ARL17B: variants seen among roughly 807,000 people sequenced by gnomAD.
ARL17B encodes the protein ARF like GTPase 17B, also known as ADP-ribosylation factor-like protein 17.
intron 4 of ARL17B, among the ~76,000 whole-genome samples, chr17:46,284,638 A>G (rs1399153375): frequency 2.6e-5 from 4 of 152,222 alleles, no homozygotes; most frequent in African/African-American, 7.2e-5. Flanking sequence ...TGGGCCCTAC[A>G]TGATGAGCTG....
At chr17:46,333,117 AC>A (rs1164581518), downstream of ARL17B, among the ~76,000 whole-genome samples, 1 of 120,120 alleles carries the variant, frequency 8.3e-6, no homozygotes, top group Non-Finnish European at 1.9e-5. Context: ...TTAGATTTAC[AC>A]AGTATCATCC....
intron 4 of ARL17B, among the ~76,000 whole-genome samples, chr17:46,283,423 G>A (rs1222193543): frequency 6.6e-6 from 1 of 152,222 alleles, no homozygotes; most frequent in Admixed American, 6.5e-5. Context: ...CATTCTTATT[G>A]TCAGTGAAAA....
rs138340592 is a variant in ARL17B at position 46,288,981 on chromosome 17, G to A, written c.*21+10545C>T. 2.6e-5 allele frequency among the ~76,000 whole-genome samples: 4 copies of A among 151,980 alleles called. No homozygotes were observed. The East Asian group carries it at 7.9e-4, about 30-fold the overall frequency. On this transcript the variant is annotated intron_variant, in intron 4 of 4. Coordinates refer to the ARL17B transcript ENST00000570618. ...CTCCCAAAGTGCTGGGATTACAAGCGTGAGTCTCTGTGTCTGGCCAACATA... is the reference window on the plus strand; with the variant it reads ...CTCCCAAAGTGCTGGGATTACAAGCATGAGTCTCTGTGTCTGGCCAACATA...
chr17:46,301,003 TG>T lies in ARL17B; in HGVS notation c.260-1339del, dbSNP rs1423385590. ...TCATTTCCCAACACCTTTTCACCGC[TG>T]GGTATTCTCCAACATTTTGCTGAAG... On this transcript the variant is annotated intron_variant, in intron 3 of 4. Transcript: ENST00000434041. 7.5e-5 allele frequency among the ~76,000 whole-genome samples: 6 copies of T among 79,494 alleles called. 2 individuals are homozygous for T. Among genetic ancestry groups the T allele is most frequent in the African/African-American group, 1.9e-4 (6 of 31,136 alleles). 52.2% of individuals were successfully genotyped at this position (79,494 alleles called of 152,430 possible).
intron 3 of ARL17B, among the ~76,000 whole-genome samples, chr17:46,317,011 C>A (rs1369889226): frequency 3.1e-5 from 3 of 96,692 alleles, no homozygotes; most frequent in Non-Finnish European, 5.1e-5. Context: ...ATGTCTACTT[C>A]TTTCTACACA....
chr17:46,283,226 A>G (rs1478327563), intron 4 of ARL17B, among the ~76,000 whole-genome samples: 2 of 152,252 alleles, frequency 1.3e-5, no homozygotes, highest in Non-Finnish European at 2.9e-5. Flanking sequence ...AGCCTTGCTA[A>G]AAGTATTCTA....
At position 46,335,249 on chromosome 17, in the gene ARL17B, G is replaced by C. The variant is rs2052263181; in HGVS notation, c.*4251C>G. Reference sequence around the variant, plus strand: ...CCTGTCGCTAAGTAAATAAAGTATAGGGGGGATGCGTGTTGGTTATAAGCA... The same window carrying C: ...CCTGTCGCTAAGTAAATAAAGTATACGGGGGATGCGTGTTGGTTATAAGCA... On this transcript the variant is annotated 3_prime_UTR_variant, in exon 4 of 4. Transcript: ENST00000450673. Among the ~76,000 whole-genome samples the C allele has an allele frequency of 2.5e-5, 1 of 39,638 alleles. No individual in the cohort carries two copies. Among genetic ancestry groups the C allele is most frequent in the African/African-American group, 4.0e-5 (1 of 25,064 alleles). The allele number at this position is 39,638 out of a possible 152,430, so 26.0% of individuals were successfully genotyped here. A position where few individuals can be genotyped will look rare whatever the true frequency, so the allele number is the denominator to read the frequency against.
At chr17:46,281,363 G>A (rs1311334135) in intron 4 of ARL17B, among the ~76,000 whole-genome samples, 2 of 151,726 alleles carry the variant, frequency 1.3e-5, no homozygotes, top group African/African-American at 2.4e-5. Context: ...CCCGTGACTC[G>A]CATCAGCTCA....
At chr17:46,327,203 T>G (rs1313727476) in intron 3 of ARL17B, among the ~76,000 whole-genome samples, 1 of 80,886 alleles carries the variant, frequency 1.2e-5, no homozygotes, top group African/African-American at 3.4e-5. Context: ...AGGTGATGTA[T>G]CCTTCCTGCC....
At chr17:46,274,431 T>C (rs2049533986), downstream of ARL17B, among the ~76,000 whole-genome samples, 1 of 152,244 alleles carries the variant, frequency 6.6e-6, no homozygotes, top group Non-Finnish European at 1.5e-5. Context: ...TAATCTACCA[T>C]GAACAATAAA....
intron 3 of ARL17B, among the ~76,000 whole-genome samples, chr17:46,324,056 C>G (rs1313822582): frequency 8.6e-6 from 1 of 116,910 alleles, no homozygotes; most frequent in Non-Finnish European, 1.9e-5. Flanking sequence ...CAACTGTTCA[C>G]TCCTTTTTAT....
chr17:46,326,764 C>T (rs1478827740), intron 3 of ARL17B, among the ~76,000 whole-genome samples: 2 of 33,234 alleles, frequency 6.0e-5, no homozygotes, highest in African/African-American at 2.6e-4. Context: ...ATTAGCAGAG[C>T]TGAGATTGAA....
At chr17:46,289,082 G>C (rs1238088830) in intron 4 of ARL17B, among the ~76,000 whole-genome samples, 13 of 152,130 alleles carry the variant, frequency 8.5e-5, no homozygotes, top group Non-Finnish European at 2.9e-5. Context: ...ACTTACTCTT[G>C]GAAATGATCA....
chr17:46,291,969 C>CAAAAAAAAAAAAAAAA (rs59554870), intron 4 of ARL17B, among the ~76,000 whole-genome samples: 4 of 58,086 alleles, frequency 6.9e-5, no homozygotes, highest in Non-Finnish European at 9.5e-5. Flanking sequence ...TCTCAAAAAG[C>CAAAAAAAAAAAAAAAA]AAAAAAAAAA....
downstream of ARL17B, chr17:46,332,532 TTG>T (rs1210745832): frequency 1.4e-6 from 2 of 1,431,648 alleles, no homozygotes; most frequent in African/African-American, 1.6e-5. Context: ...TGGTTTTTTT[TTG>T]TGTGTTTTTT....
intron 1 of ARL17B, among the ~76,000 whole-genome samples, chr17:46,358,788 C>CA (rs987039079): frequency 1.5e-5 from 1 of 66,956 alleles, no homozygotes; most frequent in African/African-American, 7.1e-5. Context: ...GTCATGGGTT[C>CA]AAGACCAGCC....
chr17:46,278,283 A>T (rs2143315630), intron 4 of ARL17B, among the ~76,000 whole-genome samples: 1 of 152,256 alleles, frequency 6.6e-6, no homozygotes, highest in East Asian at 1.9e-4. Context: ...TTGTTTTATC[A>T]ACTTTCATTT....
At chr17:46,350,574 A>AG (rs2052703803) in intron 3 of ARL17B, among the ~76,000 whole-genome samples, 1 of 88,242 alleles carries the variant, frequency 1.1e-5, no homozygotes, top group Non-Finnish European at 3.0e-5. Context: ...AAAAAAAAAA[A>AG]AGGGGGGGGG....
chr17:46,277,622 ATTTCTTTTCT>A (rs1302169028), intron 4 of ARL17B, among the ~76,000 whole-genome samples: 9 of 134,976 alleles, frequency 6.7e-5, no homozygotes, highest in Non-Finnish European at 1.4e-4. Context: ...CTCTGGGTAG[ATTTCTTTTCT>A]TTTCTTTTCT....
Sources: gnomAD v4.1 joint callset for allele counts (sites outside exome capture counted in the v4.1 genomes callset) on GRCh38, gnomAD v4.1.1 for gene constraint, MANE v1.5 for transcripts, NCBI Gene and HGNC (gene_info 2026-07-23, HGNC 2026-07-21) for gene names.